Variants in PLEKHM2 observed in about 807,000 individuals in gnomAD.
The protein encoded by PLEKHM2 is pleckstrin homology and RUN domain containing M2.
Under a neutral mutation model 116.3 loss-of-function variants are expected in PLEKHM2, and 77 were observed. The observed-to-expected ratio is 0.66, with a 90% CI of 0.55 to 0.80. The LOEUF (loss-of-function observed/expected upper bound fraction) is 0.80. PLEKHM2 is among the 30% of genes least tolerant of loss of function. The pLI, the probability that PLEKHM2 is intolerant of heterozygous loss-of-function variation, is 0.00. For synonymous variants in PLEKHM2, 562 were observed against 571.0 expected, an observed-to-expected ratio of 0.98 and a Z score of 0.22; for missense variants, 1,183 against 1,354.9, an observed-to-expected ratio of 0.87 and a Z score of 1.99.
chr1:15,728,226 C>T lies in PLEKHM2; in HGVS notation c.1831-41C>T. On this transcript the variant is annotated intron_variant, in intron 10 of 19. Transcript: ENST00000375799. This position sits in a 1 kb window ranked among gnomAD's most constrained non-coding sequence, Gnocchi z 5.9. ...TGGGCCACCGCCCCCGCTGGAGCGGCAGGAGCCACCTGCCTGACCCTTGTC... is the reference window on the plus strand; with the variant it reads ...TGGGCCACCGCCCCCGCTGGAGCGGTAGGAGCCACCTGCCTGACCCTTGTC... 2 of 1,607,366 alleles carry T rather than the reference C, an allele frequency of 1.2e-6. No individual in the cohort carries two copies. The highest frequency in any genetic ancestry group is 1.1e-5 in the South Asian group (1 of 90,760).
At position 15,728,841 on chromosome 1, in the gene PLEKHM2, G is replaced by A. The variant is rs2068101394; in HGVS notation, c.1986+108G>A. ...CACGGCCCCTTACTCCCCTCCCGGG[G>A]TTGGGCACCAACTTAACTCTCAGAG... On this transcript the variant is annotated intron_variant, in intron 12 of 19. Coordinates refer to ENST00000375799, the MANE Select transcript of PLEKHM2 (RefSeq NM_015164.4). The surrounding 1 kb of genome is among the most constrained non-coding windows in gnomAD (Gnocchi z 5.9). 1 of 1,067,666 alleles carries A rather than the reference G, an allele frequency of 9.4e-7. No individual in the cohort carries two copies. The highest frequency in any genetic ancestry group is 2.1e-5 in the Admixed American group (1 of 48,012). The allele number at this position is 1,067,666 out of a possible 1,614,324, so 66.1% of individuals were successfully genotyped here.
In PLEKHM2 at chr1:15,730,711, C is replaced by T. The variant is rs746130842; in HGVS notation, c.2388C>T (p.Phe796=). Residue 796 remains phenylalanine, a synonymous_variant, in exon 15 of 20, where the codon TTC becomes TTT. Coordinates refer to ENST00000375799, the MANE Select transcript of PLEKHM2 (RefSeq NM_015164.4). ...YLGKEHWKTC[F]VVLSNGILYQ... ...GCAAGGAACACTGGAAGACGTGCTT[C>T]GTGGTGCTCAGGTGGGAGCCCTGGC... The T allele has an allele frequency of 1.8e-5, 28 of 1,599,408 alleles. No homozygotes were observed. Among genetic ancestry groups the T allele is most frequent in the South Asian group, 1.6e-4 (14 of 88,500 alleles).
In PLEKHM2 at chr1:15,727,518, T is replaced by C. The variant is rs760178350; in HGVS notation, c.1446T>C (p.His482=). Residue 482 remains histidine (H), a synonymous_variant, in exon 9 of 20, where the codon CAT becomes CAC. Coordinates refer to ENST00000375799, the MANE Select transcript of PLEKHM2 (RefSeq NM_015164.4). This position sits in a 1 kb window ranked among gnomAD's most constrained non-coding sequence, Gnocchi z 7.5. ...PSTVTSGGGH[H]DPAGLGQPLH... is the part of the protein sequence containing the mutation. ...CTGTTACATCAGGTGGCGGCCACCA[T>C]GACCCTGCAGGGCTTGGCCAACCGC... 1 of 1,580,022 alleles carries C rather than the reference T, an allele frequency of 6.3e-7. No individual in the cohort carries two copies. The highest frequency in any genetic ancestry group is 2.3e-5 in the East Asian group (1 of 42,934).
At position 15,727,312 on chromosome 1, in the gene PLEKHM2, A is replaced by G; in HGVS notation, c.1240A>G (p.Ile414Val). Residue 414 changes from isoleucine (I) to valine (V), a missense_variant, in exon 9 of 20, where the codon ATC becomes GTC. This residue lies in a region of PLEKHM2 where 372 missense variants were observed against 357.2 expected (regional missense o/e 1.04). Coordinates refer to ENST00000375799, the MANE Select transcript of PLEKHM2 (RefSeq NM_015164.4). The surrounding 1 kb of genome is among the most constrained non-coding windows in gnomAD (Gnocchi z 7.5). ...CTTGGGGCAGCCCCTGAGCAAGGTT[A>G]TCGACCAGCTCAACGGGCAGCTGGA... ...ERLGQPLSKV[I>V]DQLNGQLDPS... The G allele has an allele frequency of 6.2e-7, 1 of 1,602,934 alleles. No homozygotes were observed. The highest frequency in any genetic ancestry group is 8.5e-7 in the Non-Finnish European group (1 of 1,175,730).
At position 15,727,300 on chromosome 1, in the gene PLEKHM2, C is replaced by A; in HGVS notation, c.1228C>A (p.Leu410Met). The A allele has an allele frequency of 6.2e-7, 1 of 1,604,882 alleles. No individual in the cohort carries two copies. The highest frequency in any genetic ancestry group is 2.2e-5 in the East Asian group (1 of 44,480). The change falls in exon 9 of 20, where the codon CTG (leucine) becomes ATG (methionine). Residue 410 changes from leucine (L) to methionine (M), a missense_variant. Around this residue, in one of 3 missense-constraint regions of PLEKHM2, gnomAD observed 372 missense variants for 357.2 expected, o/e 1.04. Coordinates refer to ENST00000375799, the MANE Select transcript of PLEKHM2 (RefSeq NM_015164.4). The surrounding 1 kb of genome is among the most constrained non-coding windows in gnomAD (Gnocchi z 7.5). ...CTCCATGGAGCGCTTGGGGCAGCCC[C>A]TGAGCAAGGTTATCGACCAGCTCAA... ...DTSMERLGQP[L>M]SKVIDQLNGQ...
chr1:15,691,765 T>C (rs1431451387), intron 1 of PLEKHM2, among the ~76,000 whole-genome samples: 1 of 152,178 alleles, frequency 6.6e-6, no homozygotes, highest in Non-Finnish European at 1.5e-5. Flanking sequence ...CTCATTTTTC[T>C]ACTCCTGAGA....
At chr1:15,709,389 C>G (rs535773557) in intron 1 of PLEKHM2, among the ~76,000 whole-genome samples, 114 of 152,268 alleles carry the variant, frequency 7.5e-4, no homozygotes, top group Non-Finnish European at 1.5e-3. Context: ...GAGGTGGTTA[C>G]CAGCTGCAGC....
chr1:15,724,375 C>G (rs528256957), intron 7 of PLEKHM2, among the ~76,000 whole-genome samples: 1 of 151,866 alleles, frequency 6.6e-6, no homozygotes, highest in Non-Finnish European at 1.5e-5. Flanking sequence ...CCTAGCTACT[C>G]GGGAGGCTAA....
In PLEKHM2 at chr1:15,715,832, G is replaced by T. The variant is rs942012097; in HGVS notation, c.61-405G>T. ...ACAATGGGAGGAAAATACGTCTAGC[G>T]CTCTCTGTATCAATGCCCCAACTCT... On this transcript the variant is annotated intron_variant, in intron 1 of 19. Coordinates refer to ENST00000375799, the MANE Select transcript of PLEKHM2 (RefSeq NM_015164.4). Among the ~76,000 whole-genome samples the T allele has an allele frequency of 8.5e-5, 13 of 152,340 alleles. No homozygotes were observed. In the South Asian group the frequency reaches 1.2e-3, roughly 15 times the overall value.
chr1:15,709,948 G>A (rs1021699721), intron 1 of PLEKHM2, among the ~76,000 whole-genome samples: 6 of 152,010 alleles, frequency 3.9e-5, no homozygotes, highest in South Asian at 2.1e-4. Flanking sequence ...AGTACAAGCC[G>A]GGCGCGGTGG....
Position 15,731,382 on chromosome 1 carries a change from C to G in PLEKHM2, c.2465+125C>G, listed in dbSNP as rs930203169. ...ACCCCACCCCATCCAGCGGCCCTGA[C>G]AGGTGGCCTGGGGCTTCCACGCTCT... On this transcript the variant is annotated intron_variant, in intron 16 of 19. Coordinates refer to ENST00000375799, the MANE Select transcript of PLEKHM2 (RefSeq NM_015164.4). The G allele has an allele frequency of 3.9e-6, 3 of 766,564 alleles. No individual in the cohort carries two copies. The East Asian group carries it at 8.0e-5, about 21-fold the overall frequency. 47.5% of individuals were successfully genotyped at this position (766,564 alleles called of 1,614,324 possible). A position where few individuals can be genotyped will look rare whatever the true frequency, so the allele number is the denominator to read the frequency against.
chr1:15,688,580 G>A (rs1384209878), intron 1 of PLEKHM2, among the ~76,000 whole-genome samples: 1 of 151,588 alleles, frequency 6.6e-6, no homozygotes, highest in Admixed American at 6.6e-5. Flanking sequence ...GACCTGGGAG[G>A]TGGAGGTTGC....
At chr1:15,698,113 CCA>C (rs1453205067) in intron 1 of PLEKHM2, among the ~76,000 whole-genome samples, 1 of 152,208 alleles carries the variant, frequency 6.6e-6, no homozygotes, top group Non-Finnish European at 1.5e-5. Flanking sequence ...AGGTTGCCAC[CCA>C]GTCTGGGCAC....
chr1:15,730,006 G>A, intron 14 of PLEKHM2, 77 bp downstream of exon 14: 4 of 984,230 alleles, frequency 4.1e-6, no homozygotes, highest in Non-Finnish European at 5.6e-6. Flanking sequence ...AGCGTTAAGG[G>A]ATGCACGTGG....
At position 15,728,824 on chromosome 1, in the gene PLEKHM2, C is replaced by G; in HGVS notation, c.1986+91C>G. ...AGAACTGCAGGGCGAGGCACGGCCC[C>G]TTACTCCCCTCCCGGGGTTGGGCAC... is the stretch of plus-strand genomic sequence containing the variant. On this transcript the variant is annotated intron_variant, in intron 12 of 19. Transcript: ENST00000375799. This position sits in a 1 kb window ranked among gnomAD's most constrained non-coding sequence, Gnocchi z 5.9. 1 of 1,195,968 alleles carries G rather than the reference C, an allele frequency of 8.4e-7. No homozygotes were observed. Among genetic ancestry groups the G allele is most frequent in the Non-Finnish European group, 1.2e-6 (1 of 825,756 alleles). The allele number at this position is 1,195,968 out of a possible 1,614,324, so 74.1% of individuals were successfully genotyped here. A position where few individuals can be genotyped will look rare whatever the true frequency, so the allele number is the denominator to read the frequency against.
chr1:15,689,835 C>T (rs1293403470), intron 1 of PLEKHM2, among the ~76,000 whole-genome samples: 1 of 152,212 alleles, frequency 6.6e-6, no homozygotes, highest in African/African-American at 2.4e-5. Context: ...CAGCTCACTG[C>T]AACCTCCGCC....
chr1:15,718,098 C>T, intron 4 of PLEKHM2, 106 bp downstream of exon 4: 1 of 741,858 alleles, frequency 1.3e-6, no homozygotes. Context: ...ATCAGTGATG[C>T]CAGAGAGCCA....
chr1:15,725,414 C>T lies in PLEKHM2; in HGVS notation c.810C>T (p.Asn270=). ...CCAGGAGCCCCACCCAGCGCCAGAA[C>T]CCCTTCAACGAGGAGCCGGCAGAGA... The part of the protein sequence containing the change: ...ASTRSPTQRQ[N]PFNEEPAETV... Residue 270 remains asparagine (N), a synonymous_variant, in exon 8 of 20, where the codon AAC becomes AAT. Transcript: ENST00000375799. The T allele has an allele frequency of 6.4e-7, 1 of 1,555,522 alleles. No homozygotes were observed. The highest frequency in any genetic ancestry group is 8.7e-7 in the Non-Finnish European group (1 of 1,149,618).
At chr1:15,705,448 C>T (rs1641207045) in intron 1 of PLEKHM2, among the ~76,000 whole-genome samples, 2 of 152,206 alleles carry the variant, frequency 1.3e-5, no homozygotes, top group South Asian at 4.1e-4. Context: ...TCCCAAAGCG[C>T]TGGGATTATA....
Sources: gnomAD v4.1 joint callset for allele counts (sites outside exome capture counted in the v4.1 genomes callset) on GRCh38, gnomAD v4.1.1 for gene constraint, gnomAD v4.1.1 regional missense constraint, Gnocchi (gnomAD v3.1) non-coding constraint, MANE v1.5 for transcripts, NCBI Gene and HGNC (gene_info 2026-07-23, HGNC 2026-07-21) for gene names.